Variants in PLCH1 observed in about 807,000 individuals in gnomAD.
PLCH1 encodes 1-phosphatidylinositol 4,5-bisphosphate phosphodiesterase eta-1.
PLCH1 carries 60 observed loss-of-function variants against 126.7 expected under a neutral mutation model. The ratio of observed to expected loss-of-function variants is 0.47; its 90% confidence interval spans 0.38 to 0.59. PLCH1 has a LOEUF of 0.59. Among genes scored for constraint, PLCH1 ranks in the 20% least tolerant of loss-of-function variants. The pLI, the probability that PLCH1 is intolerant of heterozygous loss-of-function variation, is 0.00. For missense variants in PLCH1, 1,723 were observed against 2,040.0 expected, an observed-to-expected ratio of 0.84 and a Z score of 2.99; for synonymous variants, 719 against 734.9, an observed-to-expected ratio of 0.98 and a Z score of 0.35.
chr3:155,472,756 A>T (rs1291049055), intron 21 of PLCH1, among the ~76,000 whole-genome samples: 2 of 150,288 alleles, frequency 1.3e-5, no homozygotes, highest in East Asian at 3.9e-4. Flanking sequence ...CATCCCTGGG[A>T]TGCAAGGCTG....
intron 2 of PLCH1, among the ~76,000 whole-genome samples, chr3:155,643,413 T>C (rs1471802272): frequency 6.6e-6 from 1 of 152,228 alleles, no homozygotes; most frequent in African/African-American, 2.4e-5. Flanking sequence ...GATCTGACTA[T>C]ATACTCATGA....
intron 11 of PLCH1, among the ~76,000 whole-genome samples, chr3:155,519,355 C>T (rs1720763736): frequency 6.6e-6 from 1 of 152,180 alleles, no homozygotes; most frequent in Non-Finnish European, 1.5e-5. Context: ...GAGAAGTAAT[C>T]AGGGTTCTCA....
intron 2 of PLCH1, among the ~76,000 whole-genome samples, chr3:155,655,873 C>T (rs928801904): frequency 6.6e-5 from 10 of 152,018 alleles, no homozygotes; most frequent in Non-Finnish European, 1.3e-4. Context: ...TTATTAAATA[C>T]ATTTTAAAAT....
At chr3:155,496,058 C>T (rs369262046) in intron 15 of PLCH1, among the ~76,000 whole-genome samples, 50 of 152,226 alleles carry the variant, frequency 3.3e-4, no homozygotes, top group East Asian at 7.7e-4. Context: ...ATCATTGATA[C>T]GACCTTGCTA....
At chr3:155,671,796 T>C (rs1156621970) in intron 2 of PLCH1, among the ~76,000 whole-genome samples, 3 of 152,022 alleles carry the variant, frequency 2.0e-5, no homozygotes, top group African/African-American at 7.2e-5. Context: ...ATATCAAAAG[T>C]TGAGAAATCA....
chr3:155,593,089 C>T (rs1732420437), intron 4 of PLCH1, among the ~76,000 whole-genome samples: 1 of 152,056 alleles, frequency 6.6e-6, no homozygotes, highest in Non-Finnish European at 1.5e-5. Flanking sequence ...AAAATTAGGG[C>T]ACACATTCTA....
chr3:155,622,860 A>G (rs1395764292), intron 2 of PLCH1, among the ~76,000 whole-genome samples: 1 of 152,234 alleles, frequency 6.6e-6, no homozygotes, highest in Non-Finnish European at 1.5e-5. Context: ...TCAATGACAC[A>G]GAAAATAAAC....
chr3:155,608,331 G>A (rs1416871187), intron 2 of PLCH1, among the ~76,000 whole-genome samples: 1 of 152,110 alleles, frequency 6.6e-6, no homozygotes, highest in Non-Finnish European at 1.5e-5. Flanking sequence ...GAATCTGGAG[G>A]GACAAACAGA....
chr3:155,565,185 G>A, intron 7 of PLCH1, 67 bp from the exon 8 acceptor site: 1 of 1,009,378 alleles, frequency 9.9e-7, no homozygotes, highest in Non-Finnish European at 1.5e-6. Context: ...TCTAAGAGGG[G>A]CAAAAGGGGT....
intron 10 of PLCH1, among the ~76,000 whole-genome samples, chr3:155,542,218 G>A (rs56122616): frequency 0.033 from 5,026 of 152,290 alleles, 300 homozygotes; most frequent in African/African-American, 0.11. Context: ...AAAAAACGGC[G>A]CACCAGGAGA....
intron 6 of PLCH1, among the ~76,000 whole-genome samples, chr3:155,573,379 A>T (rs1394493746): frequency 6.6e-6 from 1 of 152,228 alleles, no homozygotes; most frequent in Non-Finnish European, 1.5e-5. Context: ...GAAACTTAAA[A>T]CAACGACTGT....
At chr3:155,528,050 C>T (rs1176050428) in intron 10 of PLCH1, among the ~76,000 whole-genome samples, 1 of 151,426 alleles carries the variant, frequency 6.6e-6, no homozygotes, top group Non-Finnish European at 1.5e-5. Flanking sequence ...ATGGTGAAAC[C>T]TCATCTGTAC....
Position 155,504,997 on chromosome 3 carries a change from C to A in PLCH1, c.1633-371G>T, listed in dbSNP as rs550747599. Among the ~76,000 whole-genome samples the A allele has an allele frequency of 2.4e-4, 36 of 152,278 alleles. No homozygotes were observed. In the South Asian group the frequency reaches 7.3e-3, roughly 31 times the overall value. On this transcript the variant is annotated intron_variant, in intron 12 of 22. Coordinates refer to ENST00000460012, the MANE Select transcript of PLCH1 (RefSeq NM_014996.4). ...TTAAATGTTCTGAGTGGGGTTAAGT[C>A]ATTTTCAGTTAAGTAGGGATTCAGT...
At chr3:155,570,272 A>G (rs926851209) in intron 6 of PLCH1, among the ~76,000 whole-genome samples, 1 of 152,168 alleles carries the variant, frequency 6.6e-6, no homozygotes, top group Admixed American at 6.5e-5. Flanking sequence ...AGTTTATTGT[A>G]TGACTGAAGG....
chr3:155,577,804 T>C (rs911511059), intron 6 of PLCH1, among the ~76,000 whole-genome samples: 11 of 152,210 alleles, frequency 7.2e-5, no homozygotes, highest in Non-Finnish European at 1.5e-4. Flanking sequence ...AGTATTGCTA[T>C]TCAAATGAAC....
intron 2 of PLCH1, among the ~76,000 whole-genome samples, chr3:155,687,547 T>C (rs1255009868): frequency 6.6e-5 from 10 of 152,332 alleles, no homozygotes; most frequent in South Asian, 6.2e-4. Flanking sequence ...ATGTCTACAC[T>C]GATTTATATA....
chr3:155,700,040 C>T (rs1241314816), intron 2 of PLCH1, among the ~76,000 whole-genome samples: 1 of 152,186 alleles, frequency 6.6e-6, no homozygotes, highest in Non-Finnish European at 1.5e-5. Flanking sequence ...ACACAGAGAC[C>T]TCACACCTTG....
chr3:155,497,287 T>C, intron 15 of PLCH1, 33 bp downstream of exon 15: 1 of 1,359,440 alleles, frequency 7.4e-7, no homozygotes, highest in Non-Finnish European at 1.0e-6. Context: ...GAATGTTTAT[T>C]CAGAGCAGAA....
intron 1 of PLCH1, among the ~76,000 whole-genome samples, chr3:155,733,978 T>C (rs1194462413): frequency 2.4e-5 from 3 of 126,130 alleles, no homozygotes; most frequent in African/African-American, 8.8e-5. Flanking sequence ...TATATATATA[T>C]GCACTCAACA....
Sources: allele counts gnomAD v4.1 joint callset (sites outside exome capture counted in the v4.1 genomes callset), GRCh38; gene constraint gnomAD v4.1.1; transcripts MANE v1.5; gene names NCBI Gene and HGNC (gene_info 2026-07-23, HGNC 2026-07-21).